The following DNAJB12 variants were observed in gnomAD, a reference collection of about 807,000 sequenced individuals.
DNAJB12 encodes dnaJ homolog subfamily B member 12.
Under a neutral mutation model 40.6 loss-of-function variants are expected in DNAJB12, and 14 were observed. That is an observed-to-expected ratio of 0.34 (90% CI 0.23 to 0.54). The LOEUF is 0.54. DNAJB12 is among the 20% of genes least tolerant of loss of function. DNAJB12 has a pLI of 0.92. For missense variants in DNAJB12, 444 were observed against 501.7 expected (o/e 0.89, Z 1.10); for synonymous variants, 181 against 199.5 (o/e 0.91, Z 0.78).
chr10:72,349,669 G>C (rs1589133243), intron 1 of DNAJB12, among the ~76,000 whole-genome samples: 1 of 152,292 alleles, frequency 6.6e-6, no homozygotes, highest in East Asian at 1.9e-4. Flanking sequence ...ATGAGCAGGA[G>C]CACTAGCCAG....
rs975234039 is a variant in DNAJB12, at chr10:72,335,153, C to T, written c.*31-536G>A. The T allele has an allele frequency of 1.0e-5, 10 of 988,248 alleles. No homozygotes were observed. The highest frequency in any genetic ancestry group is 1.1e-4 in the East Asian group (1 of 8,876). 61.2% of individuals were successfully genotyped at this position (988,248 alleles called of 1,614,324 possible). On this transcript the variant is annotated intron_variant, in intron 8 of 8. Coordinates refer to ENST00000444643, the MANE Select transcript of DNAJB12 (RefSeq NM_017626.7). The surrounding 1 kb of genome is among the most constrained non-coding windows in gnomAD (Gnocchi z 4.4). ...CCAGGCTGCCAGGTGTGACGGCATT[C>T]GAGAGAGTGCCTCAGATCCCACCAG...
chr10:72,353,726 A>G (rs1472412290), intron 1 of DNAJB12: 2 of 152,172 alleles, frequency 1.3e-5, no homozygotes, highest in Non-Finnish European at 2.9e-5. Context: ...GCAAAGCCCT[A>G]TGGGTATTAT....
Position 72,335,571 on chromosome 10 carries a change from G to A in DNAJB12, c.*30+209C>T. The A allele has an allele frequency of 7.4e-7, 1 of 1,347,612 alleles. No homozygotes were observed. 83.5% of individuals were successfully genotyped at this position (1,347,612 alleles called of 1,614,324 possible). A position where few individuals can be genotyped will look rare whatever the true frequency, so the allele number is the denominator to read the frequency against. ...CCAGGGAGCAGAGCGGAGGAGTGGG[G>A]AGGACAGCATCGCTAGAGGGCGGAA... On this transcript the variant is annotated intron_variant, in intron 8 of 8. Coordinates refer to ENST00000444643, the MANE Select transcript of DNAJB12 (RefSeq NM_017626.7). The surrounding 1 kb of genome is among the most constrained non-coding windows in gnomAD (Gnocchi z 4.4).
chr10:72,345,569 CAAA>C (rs34465078), intron 1 of DNAJB12, among the ~76,000 whole-genome samples: 2,540 of 92,202 alleles, frequency 0.028, 72 homozygotes, highest in East Asian at 0.14. Flanking sequence ...GACCCTGTCT[CAAA>C]AAAAAAAAAA....
At chr10:72,342,902 T>C (rs949401098) in intron 3 of DNAJB12, among the ~76,000 whole-genome samples, 7 of 152,142 alleles carry the variant, frequency 4.6e-5, no homozygotes, top group Admixed American at 3.9e-4. Flanking sequence ...CCCAGGTGTA[T>C]AGGTATGGCG....
chr10:72,337,890 GTGTATTATGTGTGTGCA>G (rs748740105), intron 6 of DNAJB12, among the ~76,000 whole-genome samples: 2 of 152,240 alleles, frequency 1.3e-5, no homozygotes, highest in Non-Finnish European at 2.9e-5. Context: ...ATGTGTGCAT[GTGTATTATGTGTGTGCA>G]TGTATTGTGT....
chr10:72,337,397 G>A (rs746462917), intron 6 of DNAJB12, among the ~76,000 whole-genome samples: 122 of 152,306 alleles, frequency 8.0e-4, no homozygotes, highest in Non-Finnish European at 1.5e-3. Context: ...TGGGAGAGGG[G>A]GACCCACCCC....
chr10:72,336,091 A>G (rs562865544), intron 7 of DNAJB12, among the ~76,000 whole-genome samples, 160 bp from the exon 8 acceptor site: 19 of 152,272 alleles, frequency 1.2e-4, no homozygotes, highest in Admixed American at 7.8e-4. Context: ...CAGAGACTAC[A>G]GTCCTTATGT....
intron 5 of DNAJB12, among the ~76,000 whole-genome samples, chr10:72,338,699 C>A (rs1589124655): frequency 6.6e-6 from 1 of 152,116 alleles, no homozygotes; most frequent in African/African-American, 2.4e-5. Context: ...GCCAGTGTGG[C>A]GGCTCATGCC....
At chr10:72,345,324 G>A (rs974277007) in intron 1 of DNAJB12, among the ~76,000 whole-genome samples, 197 bp from the exon 2 acceptor site, 1 of 152,168 alleles carries the variant, frequency 6.6e-6, no homozygotes, top group African/African-American at 2.4e-5. Context: ...AGGACAGGCC[G>A]GACGTGGTGG....
intron 8 of DNAJB12, 103 bp from the exon 9 acceptor site, chr10:72,334,720 G>A (rs1564816244): frequency 8.5e-6 from 12 of 1,419,376 alleles, no homozygotes; most frequent in South Asian, 4.5e-5. Context: ...CCGCTGCACC[G>A]TGCTGCCCGC....
intron 1 of DNAJB12, among the ~76,000 whole-genome samples, chr10:72,350,008 A>C (rs2132005051): frequency 6.6e-6 from 1 of 152,294 alleles, no homozygotes; most frequent in East Asian, 1.9e-4. Flanking sequence ...CAGACTTAGA[A>C]AAGGAAGGGA....
At chr10:72,338,625 A>C (rs1196178773) in intron 5 of DNAJB12, among the ~76,000 whole-genome samples, 1 of 152,122 alleles carries the variant, frequency 6.6e-6, no homozygotes, top group Non-Finnish European at 1.5e-5. Context: ...GGAAGGAGAC[A>C]TGCAGTATAT....
chr10:72,338,077 C>T (rs1461667208), intron 6 of DNAJB12, 125 bp downstream of exon 6: 4 of 765,748 alleles, frequency 5.2e-6, no homozygotes, highest in Admixed American at 5.3e-5. Context: ...TTTCTTGATT[C>T]GAAGCCAGGT....
rs1410433845 is a variant in DNAJB12 at position 72,335,258 on chromosome 10, T to G, written c.*30+522A>C. ...CCCACCTCGTGGCTGCCTGTTCATC[T>G]TGCTCCATTTCCTCCTAGCTGGAGG... On this transcript the variant is annotated intron_variant, in intron 8 of 8. Transcript: ENST00000444643. The surrounding 1 kb of genome is among the most constrained non-coding windows in gnomAD (Gnocchi z 4.4). 1 of 986,822 alleles carries G rather than the reference T, an allele frequency of 1.0e-6. No homozygotes were observed. The allele number at this position is 986,822 out of a possible 1,614,324, so 61.1% of individuals were successfully genotyped here.
chr10:72,335,049 G>A lies in DNAJB12; in HGVS notation c.*31-432C>T. On this transcript the variant is annotated intron_variant, in intron 8 of 8. Transcript: ENST00000444643. The surrounding 1 kb of genome is among the most constrained non-coding windows in gnomAD (Gnocchi z 4.4). ...CCTCCTGTGCTGAGCGGCTGCGTCT[G>A]ACCCTGAACTCATGACCTTCTGTTC... 1 of 1,013,286 alleles carries A rather than the reference G, an allele frequency of 9.9e-7. No individual in the cohort carries two copies. The highest frequency in any genetic ancestry group is 1.7e-5 in the African/African-American group (1 of 58,044). 62.8% of individuals were successfully genotyped at this position (1,013,286 alleles called of 1,614,324 possible).
intron 1 of DNAJB12, chr10:72,354,423 ACC>A: frequency 2.6e-5 from 7 of 272,230 alleles, no homozygotes; most frequent in South Asian, 1.8e-4. Context: ...GGCCTGGGCT[ACC>A]GAACGGCCCC....
At chr10:72,341,228 C>T in intron 3 of DNAJB12, 58 bp from the exon 4 acceptor site, 2 of 1,527,456 alleles carry the variant, frequency 1.3e-6, no homozygotes, top group Admixed American at 1.8e-5. Context: ...GGGAGGCTCC[C>T]ATGGCAGCCG....
Position 72,335,645 on chromosome 10 carries a change from G to A in DNAJB12, c.*30+135C>T, listed in dbSNP as rs1252932308. On this transcript the variant is annotated intron_variant, in intron 8 of 8. Coordinates refer to ENST00000444643, the MANE Select transcript of DNAJB12 (RefSeq NM_017626.7). This position sits in a 1 kb window ranked among gnomAD's most constrained non-coding sequence, Gnocchi z 4.4. ...CCCCACAGCTGCTCGGTCTCTGGAG[G>A]CTGGAGGTCAGGCTGGGGACAGGAG... The A allele has an allele frequency of 7.0e-7, 1 of 1,431,904 alleles. No homozygotes were observed. The highest frequency in any genetic ancestry group is 2.6e-5 in the East Asian group (1 of 38,990). The allele number at this position is 1,431,904 out of a possible 1,614,324, so 88.7% of individuals were successfully genotyped here.
Sources: allele counts gnomAD v4.1 joint callset (sites outside exome capture counted in the v4.1 genomes callset), GRCh38; gene constraint gnomAD v4.1.1; non-coding constraint Gnocchi (gnomAD v3.1); transcripts MANE v1.5; gene names NCBI Gene and HGNC (gene_info 2026-07-23, HGNC 2026-07-21).